Variants in ZNF253 observed in about 807,000 individuals in gnomAD.
ZNF253 encodes DNA-binding protein.
Under a neutral mutation model 11.9 loss-of-function variants are expected in ZNF253, and 8 were observed. That is an observed-to-expected ratio of 0.67 (90% CI 0.40 to 1.22). The LOEUF is 1.22. Ranked by LOEUF, ZNF253 falls within the 50% of genes most tolerant of loss-of-function variation. ZNF253 has a pLI of 0.01. For synonymous variants in ZNF253, 194 were observed against 194.9 expected (o/e 1.00, Z 0.04); for missense variants, 485 against 586.9 (o/e 0.83, Z 1.79).
intron 3 of ZNF253, among the ~76,000 whole-genome samples, chr19:19,885,786 T>G (rs1361938531): frequency 6.6e-6 from 1 of 152,222 alleles, no homozygotes; most frequent in Non-Finnish European, 1.5e-5. Flanking sequence ...TAATCCAACT[T>G]TATTTTATCA....
intron 3 of ZNF253, among the ~76,000 whole-genome samples, chr19:19,890,974 G>T (rs2063226830): frequency 6.7e-6 from 1 of 149,712 alleles, no homozygotes. Flanking sequence ...CCGAGTAGCT[G>T]GGATTAAATG....
intron 1 of ZNF253, among the ~76,000 whole-genome samples, chr19:19,877,380 C>CTT (rs57209218): frequency 1.2e-4 from 17 of 145,134 alleles, no homozygotes; most frequent in African/African-American, 2.0e-4. Flanking sequence ...TCTTCTTCTT[C>CTT]TTTTTTTTTT....
At chr19:19,867,359 C>CATTTA (rs1555776698) in intron 1 of ZNF253, among the ~76,000 whole-genome samples, 1 of 151,988 alleles carries the variant, frequency 6.6e-6, no homozygotes, top group East Asian at 1.9e-4. Flanking sequence ...TTTACTAAAT[C>CATTTA]TTTTATTTTA....
chr19:19,883,946 C>T (rs1166789184), intron 3 of ZNF253, among the ~76,000 whole-genome samples: 1 of 151,704 alleles, frequency 6.6e-6, no homozygotes, highest in Non-Finnish European at 1.5e-5. Flanking sequence ...AATCCCAGCT[C>T]CTCGGGAGGC....
In ZNF253 at chr19:19,892,622, A is replaced by C. The variant is rs1319818900; in HGVS notation, c.1375A>C (p.Lys459Gln). The change falls in exon 4 of 4, where the codon AAA (lysine) becomes CAA (glutamine). Residue 459 changes from lysine to glutamine, a missense_variant. Lys to Gln is a moderately conservative substitution (Grantham distance 53, BLOSUM62 1). This residue lies in a region of ZNF253 where 232 missense variants were observed against 321.4 expected (regional missense o/e 0.72). Transcript: ENST00000589717. Reference protein sequence around the residue: ...EKPYKCEECGKAFNWSSDLNK... With the variant: ...EKPYKCEECGQAFNWSSDLNK... ...ACCTTACAAATGTGAAGAATGTGGC[A>C]AAGCTTTTAACTGGTCCTCAGACCT... 2 of 1,613,992 alleles carry C rather than the reference A, an allele frequency of 1.2e-6. No homozygotes were observed. The highest frequency in any genetic ancestry group is 1.7e-6 in the Non-Finnish European group (2 of 1,179,988).
At chr19:19,890,943 G>A (rs2063226675) in intron 3 of ZNF253, among the ~76,000 whole-genome samples, 1 of 142,286 alleles carries the variant, frequency 7.0e-6, no homozygotes, top group Non-Finnish European at 1.5e-5. Flanking sequence ...CCTGGTTCAA[G>A]CAATTCTCTG....
chr19:19,885,330 C>CTT (rs1330507492), intron 3 of ZNF253, among the ~76,000 whole-genome samples: 6 of 72,414 alleles, frequency 8.3e-5, no homozygotes, highest in Admixed American at 1.6e-4. Context: ...TTCTTTCTTT[C>CTT]TTTCTTTCTT....
intron 3 of ZNF253, among the ~76,000 whole-genome samples, chr19:19,883,406 G>A (rs894373534): frequency 6.6e-6 from 1 of 152,074 alleles, no homozygotes; most frequent in Non-Finnish European, 1.5e-5. Flanking sequence ...GAGCCTAAAA[G>A]TTTGAGAGCC....
Position 19,865,919 on chromosome 19 carries a change from G to T in ZNF253, c.-78G>T, listed in dbSNP as rs574231780. 2.5e-4 allele frequency: 391 copies of T among 1,571,548 alleles called. 8 individuals are homozygous for T. In the South Asian group the frequency reaches 4.0e-3, roughly 16 times the overall value. On this transcript the variant is annotated 5_prime_UTR_variant, in exon 1 of 4. Transcript: ENST00000589717. Reference sequence around the variant, plus strand: ...TGTTCTGTGTCCTGTGCTTATAGAGGCCCGTCCTCTGTGGCCGTGTGACCT... The same window carrying T: ...TGTTCTGTGTCCTGTGCTTATAGAGTCCCGTCCTCTGTGGCCGTGTGACCT...
rs60363472 is a variant in ZNF253, at chr19:19,892,985, C to CTTTTT, written c.*243_*247dup. 84 of 423,494 alleles carry CTTTTT rather than the reference C, an allele frequency of 2.0e-4. No individual in the cohort carries two copies. Among genetic ancestry groups the CTTTTT allele is most frequent in the African/African-American group, 1.2e-3 (58 of 47,442 alleles). 26.2% of individuals were successfully genotyped at this position (423,494 alleles called of 1,614,324 possible). On this transcript the variant is annotated 3_prime_UTR_variant, in exon 4 of 4. Transcript: ENST00000589717. ...TAAACCTATAACAAGTTCTCAATTC[C>CTTTTT]TTTTTTTTTGAGATGGAGTTTCACT...
rs748223737 is a variant in ZNF253 at position 19,892,519 on chromosome 19, C to T, written c.1272C>T (p.Tyr424=). ...GAACTCATACTGGAGAGAAACCCTACAAATGTGAAGAATGTGGCAAATCCT... is the reference window on the plus strand; with the variant it reads ...GAACTCATACTGGAGAGAAACCCTATAAATGTGAAGAATGTGGCAAATCCT... ...HKRTHTGEKP[Y]KCEECGKSFT... Residue 424 remains tyrosine, a synonymous_variant, in exon 4 of 4, where the codon TAC becomes TAT. Coordinates refer to ENST00000589717, the MANE Select transcript of ZNF253 (RefSeq NM_021047.3). 1.2e-6 allele frequency: 2 copies of T among 1,613,844 alleles called. No individual in the cohort carries two copies. The highest frequency in any genetic ancestry group is 8.5e-7 in the Non-Finnish European group (1 of 1,179,926).
rs58650123 is a variant in ZNF253 at position 19,872,561 on chromosome 19, C to CTATA, written c.4-5904_4-5901dup. 3.4e-3 allele frequency among the ~76,000 whole-genome samples: 416 copies of CTATA among 121,960 alleles called. 2 individuals carry two copies. Among genetic ancestry groups the CTATA allele is most frequent in the Non-Finnish European group, 5.1e-3 (320 of 63,198 alleles). The allele number at this position is 121,960 out of a possible 152,430, so 80.0% of individuals were successfully genotyped here. ...CTATATCCCATACCCTAAACCATAA[C>CTATA]TATATATATATATATATATTATTAT... On this transcript the variant is annotated intron_variant, in intron 1 of 3. Transcript: ENST00000589717.
At position 19,891,553 on chromosome 19, in the gene ZNF253, T is replaced by A; in HGVS notation, c.306T>A (p.Tyr102Ter). ...TCCAAATAGGGATGCTGAGAAGATA[T>A]GAAGAATGCAGACATGACAATTTAC... is the stretch of plus-strand genomic sequence containing the variant. ...NSFQIGMLRRYEECRHDNLQL... is the reference protein window; with the variant it reads ...NSFQIGMLRR Residue 102 changes from tyrosine to a stop codon, truncating the protein, a stop_gained, in exon 4 of 4, where the codon TAT becomes TAA. Transcript: ENST00000589717. LOFTEE classifies it low-confidence loss of function (END_TRUNC). 6.2e-7 allele frequency: 1 copy of A among 1,614,004 alleles called. No homozygotes were observed. Among genetic ancestry groups the A allele is most frequent in the Admixed American group, 1.7e-5 (1 of 59,988 alleles).
In ZNF253 at chr19:19,891,883, T is replaced by C. The variant is rs746814968; in HGVS notation, c.636T>C (p.Ser212=). The change falls in exon 4 of 4, where the codon TCT becomes TCC. Residue 212 remains serine (S), a synonymous_variant. Transcript: ENST00000589717. ...CEECGKAFNQ[S]ANLTTHKRIH... is the part of the protein sequence containing the mutation. Reference sequence around the variant, plus strand: ...AATGTGGCAAAGCTTTTAACCAATCTGCAAACCTTACTACACATAAGAGAA... The same window carrying C: ...AATGTGGCAAAGCTTTTAACCAATCCGCAAACCTTACTACACATAAGAGAA... 17 of 1,608,604 alleles carry C rather than the reference T, an allele frequency of 1.1e-5. No homozygotes were observed. The highest frequency in any genetic ancestry group is 1.3e-5 in the Non-Finnish European group (15 of 1,178,016).
At chr19:19,879,416 A>G (rs1568496621) in intron 2 of ZNF253, among the ~76,000 whole-genome samples, 1 of 152,246 alleles carries the variant, frequency 6.6e-6, no homozygotes, top group East Asian at 1.9e-4. Flanking sequence ...AAAGTAATTC[A>G]TTATGTTTTT....
Position 19,891,592 on chromosome 19 carries a change from CT to C in ZNF253, c.346del (p.Cys116ValfsTer21). On this transcript the variant is annotated frameshift_variant, in exon 4 of 4. Coordinates refer to ENST00000589717, the MANE Select transcript of ZNF253 (RefSeq NM_021047.3). LOFTEE classifies it low-confidence loss of function (END_TRUNC). ...ATGACAATTTACAGTTAAAAAAAGGCTGTAAAAGCGTGGGTGAGCATAAGGT... is the reference window on the plus strand; with the variant it reads ...ATGACAATTTACAGTTAAAAAAAGGCGTAAAAGCGTGGGTGAGCATAAGGT... ...RHDNLQLKKGCKSVGEHKVHK... is the reference protein window; with the variant it reads ...RHDNLQLKKGXKSVGEHKVHK... 1 of 1,613,982 alleles carries C rather than the reference CT, an allele frequency of 6.2e-7. No individual in the cohort carries two copies. The highest frequency in any genetic ancestry group is 8.5e-7 in the Non-Finnish European group (1 of 1,179,986).
chr19:19,870,232 A>G (rs1307843195), intron 1 of ZNF253, among the ~76,000 whole-genome samples: 1 of 151,880 alleles, frequency 6.6e-6, no homozygotes, highest in Non-Finnish European at 1.5e-5. Context: ...ATCTCTACTA[A>G]AAATAAAAAA....
chr19:19,879,376 C>T (rs1194932694), intron 2 of ZNF253, among the ~76,000 whole-genome samples: 1 of 151,924 alleles, frequency 6.6e-6, no homozygotes, highest in Non-Finnish European at 1.5e-5. Context: ...CTCTGAACCC[C>T]CACCTTATTT....
At position 19,885,283 on chromosome 19, in the gene ZNF253, CTTT is replaced by C. The variant is rs1171386061; in HGVS notation, c.226+5138_226+5140del. On this transcript the variant is annotated intron_variant, in intron 3 of 3. Coordinates refer to ENST00000589717, the MANE Select transcript of ZNF253 (RefSeq NM_021047.3). ...TCTTTCTTTCTTTCTTTCTTTCTTT[CTTT>C]CTTTCTCTTTCTTTTCTTTCTTTCT... Among the ~76,000 whole-genome samples, 63 of 34,680 alleles carry C rather than the reference CTTT, an allele frequency of 1.8e-3. 7 individuals are homozygous for C. The highest frequency in any genetic ancestry group is 9.2e-3 in the African/African-American group (32 of 3,488). 22.8% of individuals were successfully genotyped at this position (34,680 alleles called of 152,430 possible).
Sources: allele counts gnomAD v4.1 joint callset (sites outside exome capture counted in the v4.1 genomes callset), GRCh38; gene constraint gnomAD v4.1.1; regional missense constraint gnomAD v4.1.1; transcripts MANE v1.5; gene names NCBI Gene and HGNC (gene_info 2026-07-23, HGNC 2026-07-21).